The following TENM4 variants were observed in gnomAD, a reference collection of about 807,000 sequenced individuals.
TENM4 encodes teneurin transmembrane protein 4.
In TENM4, 82 loss-of-function variants were observed where a neutral mutation model predicts 243.3. The observed-to-expected ratio is 0.34, with a 90% confidence interval of 0.28 to 0.40. The LOEUF (loss-of-function observed/expected upper bound fraction) is 0.40. Among genes scored for constraint, TENM4 ranks in the 10% least tolerant of loss-of-function variants. TENM4 has a pLI of 1.00. For synonymous variants in TENM4, 1,412 were observed against 1,456.3 expected (o/e 0.97, Z 0.69); for missense variants, 3,138 against 3,673.3 (o/e 0.85, Z 3.77).
At chr11:79,388,502 G>A (rs576879130) in intron 1 of TENM4, among the ~76,000 whole-genome samples, 175 of 152,326 alleles carry the variant, frequency 1.1e-3, no homozygotes, top group African/African-American at 4.1e-3. Context: ...ACCAGGAATA[G>A]GAAACAAACC....
At chr11:78,910,337 A>T (rs2852410) in intron 6 of TENM4, among the ~76,000 whole-genome samples, 36,712 of 152,232 alleles carry the variant, frequency 0.24, 4,640 homozygotes, top group Middle Eastern at 0.32. Context: ...CAAAAACTCC[A>T]GCTGCCTGAG....
At chr11:78,993,290 G>T (rs1278034532) in intron 6 of TENM4, among the ~76,000 whole-genome samples, 7 of 152,102 alleles carry the variant, frequency 4.6e-5, no homozygotes, top group African/African-American at 1.7e-4. Context: ...TATGAAAAAG[G>T]GGAATTTATG....
At chr11:78,939,735 T>C (rs977379464) in intron 6 of TENM4, among the ~76,000 whole-genome samples, 2 of 152,170 alleles carry the variant, frequency 1.3e-5, no homozygotes, top group African/African-American at 4.8e-5. Context: ...GAACAATCCA[T>C]AGCACTTAAC....
chr11:79,234,520 C>T (rs1864428805), intron 2 of TENM4, among the ~76,000 whole-genome samples: 1 of 152,200 alleles, frequency 6.6e-6, no homozygotes, highest in Non-Finnish European at 1.5e-5. Context: ...AAGGGCTGCC[C>T]TCAGGCTGGG....
chr11:79,365,705 G>C (rs1019481579), intron 1 of TENM4, among the ~76,000 whole-genome samples: 3 of 152,148 alleles, frequency 2.0e-5, no homozygotes, highest in South Asian at 2.1e-4. Flanking sequence ...TACCATGACA[G>C]CAACAGGCAC....
At chr11:78,989,989 G>C (rs180947939) in intron 6 of TENM4, among the ~76,000 whole-genome samples, 1 of 151,836 alleles carries the variant, frequency 6.6e-6, no homozygotes, top group African/African-American at 2.4e-5. Flanking sequence ...ACCTGAGCCC[G>C]GGGAAGTCGA....
chr11:78,700,393 T>G (rs1242929607), intron 28 of TENM4, among the ~76,000 whole-genome samples: 1 of 152,142 alleles, frequency 6.6e-6, no homozygotes, highest in Non-Finnish European at 1.5e-5. Context: ...ATATCACCCA[T>G]CCTCAGAGCT....
intron 6 of TENM4, among the ~76,000 whole-genome samples, chr11:79,064,066 T>G (rs1322779462): frequency 7.5e-6 from 1 of 133,510 alleles, no homozygotes; most frequent in Non-Finnish European, 1.7e-5. Context: ...TTAATTAACA[T>G]ATCTCTCATC....
intron 1 of TENM4, among the ~76,000 whole-genome samples, chr11:79,332,791 C>G (rs4509791): frequency 5.9e-5 from 9 of 152,154 alleles, no homozygotes; most frequent in Admixed American, 1.3e-4. Flanking sequence ...GTTGTCCTGG[C>G]TAAGCAGCTC....
At position 78,702,100 on chromosome 11, in the gene TENM4, G is replaced by A; in HGVS notation, c.4513C>T (p.Leu1505Phe). The change falls in exon 28 of 34, where the codon CTC becomes TTC. Residue 1505 changes from leucine (L) to phenylalanine (F), a missense_variant. Leu to Phe is a conservative substitution (Grantham distance 22, BLOSUM62 0). Transcript: ENST00000278550. The part of the protein sequence containing the change: ...RQVTTSGEIS[L>F]VAGAPSGCDC... ...CAGCCACTGGGGGCCCCAGCAACGA[G>A]TGAGATCTCTCCACTAGTGGTGACC... 1 of 1,613,976 alleles carries A rather than the reference G, an allele frequency of 6.2e-7. No individual in the cohort carries two copies. The highest frequency in any genetic ancestry group is 8.5e-7 in the Non-Finnish European group (1 of 1,179,866).
At chr11:78,809,996 T>C (rs1172272668) in intron 14 of TENM4, among the ~76,000 whole-genome samples, 1 of 152,122 alleles carries the variant, frequency 6.6e-6, no homozygotes, top group African/African-American at 2.4e-5. Context: ...TCCTTCCCAG[T>C]GTCCTACTGG....
intron 3 of TENM4, among the ~76,000 whole-genome samples, chr11:79,194,573 A>G (rs759227552): frequency 6.6e-6 from 1 of 152,154 alleles, no homozygotes; most frequent in Non-Finnish European, 1.5e-5. Flanking sequence ...TTTGGCAAAG[A>G]CACTGGAATC....
intron 2 of TENM4, among the ~76,000 whole-genome samples, chr11:79,240,149 T>C (rs1356452444): frequency 6.6e-6 from 1 of 152,114 alleles, no homozygotes; most frequent in Non-Finnish European, 1.5e-5. Flanking sequence ...CTTAGTTTCC[T>C]TGTCCCTCAG....
At chr11:79,331,194 T>A (rs1857055484) in intron 1 of TENM4, among the ~76,000 whole-genome samples, 1 of 151,698 alleles carries the variant, frequency 6.6e-6, no homozygotes. Context: ...GTTCCCCTTG[T>A]GGAGACGGGC....
chr11:79,186,090 T>C (rs1338125807), intron 3 of TENM4, among the ~76,000 whole-genome samples: 3 of 152,250 alleles, frequency 2.0e-5, no homozygotes, highest in Non-Finnish European at 4.4e-5. Context: ...GTGGCAAAGC[T>C]AGGATTTAAA....
intron 10 of TENM4, among the ~76,000 whole-genome samples, chr11:78,858,306 T>C (rs17137274): frequency 0.035 from 5,358 of 152,230 alleles, 99 homozygotes; most frequent in Middle Eastern, 0.11. Context: ...TTTCTAGCAC[T>C]TTAGTATTTC....
rs560368584 is a variant in TENM4, at chr11:79,221,609, C to T, written c.-264-5700G>A. 3.7e-3 allele frequency among the ~76,000 whole-genome samples: 561 copies of T among 152,060 alleles called. 3 individuals are homozygous for T. The highest frequency in any genetic ancestry group is 6.0e-3 in the Non-Finnish European group (408 of 67,990). On this transcript the variant is annotated intron_variant, in intron 2 of 33. Coordinates refer to ENST00000278550, the MANE Select transcript of TENM4 (RefSeq NM_001098816.3). ...TCAGAGCCCAGTGGAAATCCCTGTG[C>T]GTGCTCACCCCTGCCTCTCCTCCCA...
chr11:79,113,375 C>T (rs1305211390), intron 4 of TENM4, among the ~76,000 whole-genome samples: 5 of 139,404 alleles, frequency 3.6e-5, no homozygotes, highest in African/African-American at 5.4e-5. Context: ...CTGAGTTACT[C>T]CCCCGCCTAT....
At chr11:78,717,357 G>A (rs891980154) in intron 25 of TENM4, among the ~76,000 whole-genome samples, 1 of 152,166 alleles carries the variant, frequency 6.6e-6, no homozygotes, top group Non-Finnish European at 1.5e-5. Flanking sequence ...CTCATGCAAA[G>A]GAGTGTCCTT....
Sources: allele counts gnomAD v4.1 joint callset (sites outside exome capture counted in the v4.1 genomes callset), GRCh38; gene constraint gnomAD v4.1.1; transcripts MANE v1.5; gene names NCBI Gene and HGNC (gene_info 2026-07-23, HGNC 2026-07-21).